Variants in ZNF740 observed in about 807,000 individuals in gnomAD.
ZNF740 encodes the protein oriLyt TD-element-binding protein 7.
A neutral mutation model predicts 24.8 loss-of-function variants in ZNF740; 14 were observed. That is an observed-to-expected ratio of 0.56 (90% CI 0.37 to 0.88). The LOEUF is 0.88. Among genes scored for constraint, ZNF740 ranks in the 40% least tolerant of loss-of-function variants. The pLI, the probability that ZNF740 is intolerant of heterozygous loss-of-function variation, is 0.00. For missense variants in ZNF740, 201 were observed against 247.9 expected (o/e 0.81, Z 1.27); for synonymous variants, 69 against 84.0 (o/e 0.82, Z 0.98).
chr12:53,185,812 T>C, intron 4 of ZNF740, 142 bp from the exon 5 acceptor site: 2 of 1,156,334 alleles, frequency 1.7e-6, no homozygotes, highest in Non-Finnish European at 2.4e-6. Context: ...CTTACCTCCA[T>C]GGAGTACAGG....
chr12:53,193,522 G>T lies in ZNF740; in HGVS notation c.*5932G>T. The T allele has an allele frequency of 1.4e-6, 1 of 738,788 alleles. No individual in the cohort carries two copies. Among genetic ancestry groups the T allele is most frequent in the Non-Finnish European group, 2.2e-6 (1 of 455,172 alleles). The allele number at this position is 738,788 out of a possible 1,614,324, so 45.8% of individuals were successfully genotyped here. ...TAGTGAAACACTGAGGGGTGAGAGA[G>T]TGGAGGGAGCCCCAGTCAGGGGGAG... is the stretch of plus-strand genomic sequence containing the variant. On this transcript the variant is annotated 3_prime_UTR_variant, in exon 7 of 7. Transcript: ENST00000416904.
In ZNF740 at chr12:53,189,261, G is replaced by A. The variant is rs1592390731; in HGVS notation, c.*1671G>A. 6.6e-6 allele frequency: 1 copy of A among 152,242 alleles called. No homozygotes were observed. The highest frequency in any genetic ancestry group is 1.9e-4 in the East Asian group (1 of 5,174). 9.4% of individuals were successfully genotyped at this position (152,242 alleles called of 1,614,324 possible). On this transcript the variant is annotated 3_prime_UTR_variant, in exon 7 of 7. Transcript: ENST00000416904. ...TTATGGGAAGTTTTGGGGTTTGGTT[G>A]ACCCCCACTGTAACCTGACCTGACC...
chr12:53,182,315 G>GT (rs1206037225), intron 2 of ZNF740: 5 of 262,280 alleles, frequency 1.9e-5, no homozygotes, highest in South Asian at 2.1e-4. Flanking sequence ...TGCTTCTTTT[G>GT]TTTTTTTCCA....
chr12:53,192,987 C>A lies in ZNF740; in HGVS notation c.*5397C>A. 6.9e-7 allele frequency: 1 copy of A among 1,457,440 alleles called. No individual in the cohort carries two copies. The allele number at this position is 1,457,440 out of a possible 1,614,324, so 90.3% of individuals were successfully genotyped here. ...GCCATCATGTGGCACGACAAGCCCACGCATCCAATCTTTTTGAAGTATGCC... is the reference window on the plus strand; with the variant it reads ...GCCATCATGTGGCACGACAAGCCCAAGCATCCAATCTTTTTGAAGTATGCC... On this transcript the variant is annotated 3_prime_UTR_variant, in exon 7 of 7. Coordinates refer to ENST00000416904, the MANE Select transcript of ZNF740 (RefSeq NM_001004304.4).
Position 53,192,329 on chromosome 12 carries a change from CT to C in ZNF740, c.*4742del. On this transcript the variant is annotated 3_prime_UTR_variant, in exon 7 of 7. Transcript: ENST00000416904. ...GGTTTGTGGCATCCCTGCCCACTTA[CT>C]TTCTTGGGGTCTCACTCTGAGCACG... 1 of 1,614,010 alleles carries C rather than the reference CT, an allele frequency of 6.2e-7. No homozygotes were observed. Among genetic ancestry groups the C allele is most frequent in the Non-Finnish European group, 8.5e-7 (1 of 1,180,002 alleles).
At chr12:53,184,116 T>G (rs3134642) in intron 2 of ZNF740, among the ~76,000 whole-genome samples, 17,365 of 106,558 alleles carry the variant, frequency 0.16, 1,132 homozygotes, top group Middle Eastern at 0.22. Context: ...AGCTAAGGGG[T>G]GTGTGTGTGT....
At position 53,184,900 on chromosome 12, in the gene ZNF740, C is replaced by G. The variant is rs1941792835; in HGVS notation, c.19C>G (p.Leu7Val). Residue 7 changes from leucine (L) to valine (V), a missense_variant, in exon 3 of 7, where the codon CTG becomes GTG. Transcript: ENST00000416904. ...TCTCCTTTCAACTTAGGCAAGTCTC[C>G]TGGCTTGTGAAGGCCTAGCAGGTGT... MAQASL[L>V]ACEGLAGVSL... 1 of 1,612,988 alleles carries G rather than the reference C, an allele frequency of 6.2e-7. No individual in the cohort carries two copies. The highest frequency in any genetic ancestry group is 8.5e-7 in the Non-Finnish European group (1 of 1,179,452).
At position 53,185,335 on chromosome 12, in the gene ZNF740, C is replaced by T. The variant is rs545345676; in HGVS notation, c.160-52C>T. The T allele has an allele frequency of 4.6e-5, 72 of 1,577,224 alleles. No individual in the cohort carries two copies. The South Asian group carries it at 7.6e-4, about 17-fold the overall frequency. On this transcript the variant is annotated intron_variant, in intron 3 of 6. Transcript: ENST00000416904. ...TTTGTCTGAGAGCTGCATTGGGTCTCATCTCATGTTCCGAGATGGGCTATG... is the reference window on the plus strand; with the variant it reads ...TTTGTCTGAGAGCTGCATTGGGTCTTATCTCATGTTCCGAGATGGGCTATG...
intron 6 of ZNF740, 186 bp downstream of exon 6, chr12:53,186,695 G>GTAA (rs772555108): frequency 1.7e-5 from 9 of 521,264 alleles, no homozygotes; most frequent in African/African-American, 3.8e-5. Context: ...TTAGAACATT[G>GTAA]TAATAATAAT....
At position 53,184,893 on chromosome 12, in the gene ZNF740, A is replaced by G. The variant is rs1384866111; in HGVS notation, c.12A>G (p.Ala4=). 1 of 1,612,380 alleles carries G rather than the reference A, an allele frequency of 6.2e-7. No individual in the cohort carries two copies. Among genetic ancestry groups the G allele is most frequent in the Non-Finnish European group, 8.5e-7 (1 of 1,179,170 alleles). The change falls in exon 3 of 7, where the codon GCA becomes GCG. Residue 4 remains alanine, a splice_region_variant and synonymous_variant. Coordinates refer to ENST00000416904, the MANE Select transcript of ZNF740 (RefSeq NM_001004304.4). MAQ[A]SLLACEGLAG... ...CACCTCATCTCCTTTCAACTTAGGC[A>G]AGTCTCCTGGCTTGTGAAGGCCTAG... is the stretch of plus-strand genomic sequence containing the variant.
rs1941889897 is a variant in ZNF740 at position 53,189,624 on chromosome 12, T to C, written c.*2034T>C. Reference sequence around the variant, plus strand: ...TACTCTTACAGCTCTATGCTGACACTCCCATTTGATGTGGTCCAGAACTTA... The same window carrying C: ...TACTCTTACAGCTCTATGCTGACACCCCCATTTGATGTGGTCCAGAACTTA... On this transcript the variant is annotated 3_prime_UTR_variant, in exon 7 of 7. Transcript: ENST00000416904. 1 of 152,100 alleles carries C rather than the reference T, an allele frequency of 6.6e-6. No homozygotes were observed. The highest frequency in any genetic ancestry group is 2.1e-4 in the South Asian group (1 of 4,826). The allele number at this position is 152,100 out of a possible 1,614,324, so 9.4% of individuals were successfully genotyped here.
At position 53,193,655 on chromosome 12, in the gene ZNF740, G is replaced by GGGTT. The variant is rs1942052145; in HGVS notation, c.*6075_*6078dup. ...GAAAGCAGCGGAGGAATACGGGCCA[G>GGGTT]GGTTGGTTGGTTGTTGGGAGCCAGG... On this transcript the variant is annotated 3_prime_UTR_variant, in exon 7 of 7. Coordinates refer to ENST00000416904, the MANE Select transcript of ZNF740 (RefSeq NM_001004304.4). 6.1e-6 allele frequency: 9 copies of GGGTT among 1,487,114 alleles called. No individual in the cohort carries two copies. The highest frequency in any genetic ancestry group is 2.1e-4 in the Middle Eastern group (1 of 4,716). The allele number at this position is 1,487,114 out of a possible 1,614,324, so 92.1% of individuals were successfully genotyped here. A position where few individuals can be genotyped will look rare whatever the true frequency, so the allele number is the denominator to read the frequency against.
chr12:53,192,679 C>G lies in ZNF740; in HGVS notation c.*5089C>G, dbSNP rs199659993. 3 of 1,611,482 alleles carry G rather than the reference C, an allele frequency of 1.9e-6. No individual in the cohort carries two copies. The highest frequency in any genetic ancestry group is 4.5e-5 in the East Asian group (2 of 44,794). ...TGCCCCTGCTCCCAAGATGCAAGAC[C>G]TGAGGCCTCACCGGTGTCTCTCGCA... On this transcript the variant is annotated 3_prime_UTR_variant, in exon 7 of 7. Transcript: ENST00000416904.
chr12:53,184,390 A>G (rs1273044556), intron 2 of ZNF740, among the ~76,000 whole-genome samples: 5 of 151,944 alleles, frequency 3.3e-5, no homozygotes, highest in African/African-American at 4.8e-5. Flanking sequence ...GGTTTCACCT[A>G]TTGTCCAGGC....
chr12:53,182,460 A>G (rs781616311), intron 2 of ZNF740, among the ~76,000 whole-genome samples: 1 of 152,182 alleles, frequency 6.6e-6, no homozygotes, highest in Admixed American at 6.5e-5. Flanking sequence ...ATTTATTTTT[A>G]TATTCACAAT....
chr12:53,182,103 G>T (rs767324768), intron 2 of ZNF740, 111 bp downstream of exon 2: 5 of 1,450,252 alleles, frequency 3.4e-6, no homozygotes, highest in Non-Finnish European at 4.7e-6. Context: ...TCCAAGCTCT[G>T]TATTAAGCAC....
At chr12:53,184,815 A>G in intron 2 of ZNF740, 76 bp from the exon 3 acceptor site, 1 of 1,500,100 alleles carries the variant, frequency 6.7e-7, no homozygotes. Context: ...TGTAAAAGGT[A>G]GTTCTATAGA....
At chr12:53,182,057 T>A (rs765453427) in intron 2 of ZNF740, 65 bp downstream of exon 2, 22 of 1,578,108 alleles carry the variant, frequency 1.4e-5, no homozygotes, top group Non-Finnish European at 1.9e-5. Context: ...CACTCTTGAA[T>A]GCTGCCTTAG....
chr12:53,188,917 T>G lies in ZNF740; in HGVS notation c.*1327T>G, dbSNP rs982422099. 2.6e-5 allele frequency: 4 copies of G among 152,146 alleles called. No individual in the cohort carries two copies. The highest frequency in any genetic ancestry group is 9.7e-5 in the African/African-American group (4 of 41,424). 9.4% of individuals were successfully genotyped at this position (152,146 alleles called of 1,614,324 possible). On this transcript the variant is annotated 3_prime_UTR_variant, in exon 7 of 7. Coordinates refer to ENST00000416904, the MANE Select transcript of ZNF740 (RefSeq NM_001004304.4). ...GTGTGTGTGTGTGAGAGAGAGTGTG[T>G]GTGAGATATGAATGCATGTATTTGT...
Sources: gnomAD v4.1 joint callset for allele counts (sites outside exome capture counted in the v4.1 genomes callset) on GRCh38, gnomAD v4.1.1 for gene constraint, MANE v1.5 for transcripts, NCBI Gene and HGNC (gene_info 2026-07-23, HGNC 2026-07-21) for gene names.